CUX1: variants seen among roughly 807,000 people sequenced by gnomAD.
CUX1 encodes the protein protein CASP.
Under a neutral mutation model 158.8 loss-of-function variants are expected in CUX1, and 31 were observed. The observed-to-expected ratio is 0.20, with a 90% CI of 0.15 to 0.26. CUX1 has a LOEUF of 0.26. Among genes scored for constraint, CUX1 ranks in the 10% least tolerant of loss-of-function variants. The pLI, the probability that CUX1 is intolerant of heterozygous loss-of-function variation, is 1.00. For missense variants in CUX1, 1,589 were observed against 2,014.6 expected (o/e 0.79, Z 4.04); for synonymous variants, 879 against 862.1 (o/e 1.02, Z -0.34).
At chr7:101,902,417 A>G (rs1337858165) in intron 1 of CUX1, among the ~76,000 whole-genome samples, 1 of 152,186 alleles carries the variant, frequency 6.6e-6, no homozygotes, top group African/African-American at 2.4e-5. Flanking sequence ...AGCAAATATA[A>G]TTGCCACTAG....
At chr7:102,154,813 A>G (rs782549349) in intron 8 of CUX1, among the ~76,000 whole-genome samples, 3 of 152,204 alleles carry the variant, frequency 2.0e-5, no homozygotes, top group Non-Finnish European at 4.4e-5. Context: ...AAATAGCCAG[A>G]ATTAAAGAAA....
intron 2 of CUX1, among the ~76,000 whole-genome samples, chr7:101,941,004 T>A (rs895802912): frequency 3.9e-5 from 6 of 152,210 alleles, no homozygotes; most frequent in African/African-American, 1.2e-4. Flanking sequence ...CCTCACAGTT[T>A]ATTTGCATAC....
intron 3 of CUX1, among the ~76,000 whole-genome samples, chr7:102,038,051 A>AC (rs1821656617): frequency 3.0e-5 from 3 of 100,974 alleles, no homozygotes; most frequent in Non-Finnish European, 4.1e-5. Flanking sequence ...CTCTGTCTCA[A>AC]AAAAAAAAAA....
At chr7:102,019,878 T>C (rs1463345364) in intron 2 of CUX1, among the ~76,000 whole-genome samples, 1 of 152,264 alleles carries the variant, frequency 6.6e-6, no homozygotes, top group Admixed American at 6.5e-5. Context: ...ATGTGCATTT[T>C]ATCCGACTAC....
chr7:102,221,603 T>C (rs1373896627), intron 20 of CUX1, among the ~76,000 whole-genome samples: 1 of 152,066 alleles, frequency 6.6e-6, no homozygotes, highest in Non-Finnish European at 1.5e-5. Context: ...GCCTGCTGTT[T>C]TTGGAATATA....
In CUX1 at chr7:102,146,929, C is replaced by T. The variant is rs955620100; in HGVS notation, c.675-11631C>T. 1.8e-4 allele frequency among the ~76,000 whole-genome samples: 27 copies of T among 152,096 alleles called. 1 individual carries two copies. Among genetic ancestry groups the T allele is most frequent in the African/African-American group, 6.0e-4 (25 of 41,410 alleles). On this transcript the variant is annotated intron_variant, in intron 8 of 23. Coordinates refer to ENST00000292535, the MANE Select transcript of CUX1 (RefSeq NM_181552.4). ...TTGTTTTTAATCATTACTTTTGTAT[C>T]ATTTAAATTAGTATAATGGTAATCT...
rs892095231 is a variant in CUX1, at chr7:102,257,510, G to T, written c.*8468G>T. Reference sequence around the variant, plus strand: ...GAATAGCTTGTTATAAAATAAAAGTGGGGGTAAAAAGAAGGTGGTTTTCCC... The same window carrying T: ...GAATAGCTTGTTATAAAATAAAAGTTGGGGTAAAAAGAAGGTGGTTTTCCC... On this transcript the variant is annotated 3_prime_UTR_variant, in exon 24 of 24. Coordinates refer to ENST00000292535, the MANE Select transcript of CUX1 (RefSeq NM_181552.4). 17 of 985,180 alleles carry T rather than the reference G, an allele frequency of 1.7e-5. No homozygotes were observed. The African/African-American group carries it at 2.8e-4, about 16-fold the overall frequency. 61.0% of individuals were successfully genotyped at this position (985,180 alleles called of 1,614,324 possible). A position where few individuals can be genotyped will look rare whatever the true frequency, so the allele number is the denominator to read the frequency against.
At chr7:101,863,373 T>G (rs920167720) in intron 1 of CUX1, among the ~76,000 whole-genome samples, 6 of 150,852 alleles carry the variant, frequency 4.0e-5, no homozygotes, top group African/African-American at 1.5e-4. Context: ...TTTTTTGAGA[T>G]GGAGTCTCCT....
chr7:101,822,706 G>C (rs773321998), intron 1 of CUX1, among the ~76,000 whole-genome samples: 15 of 152,144 alleles, frequency 9.9e-5, no homozygotes, highest in South Asian at 6.2e-4. Flanking sequence ...TTCGAGACCA[G>C]CCTGGCCAAC....
Position 101,869,978 on chromosome 7 carries a change from T to A in CUX1, c.31-46137T>A, listed in dbSNP as rs1235491570. ...AAGGCGGCTCCTCGTGCCCCCCCTCTTGTGCCTTCCCTCCCCAGTGCCTTT... is the reference window on the plus strand; with the variant it reads ...AAGGCGGCTCCTCGTGCCCCCCCTCATGTGCCTTCCCTCCCCAGTGCCTTT... On this transcript the variant is annotated intron_variant, in intron 1 of 23. Transcript: ENST00000292535. This position sits in a 1 kb window ranked among gnomAD's most constrained non-coding sequence, Gnocchi z 4.5. Among the ~76,000 whole-genome samples the A allele has an allele frequency of 6.6e-6, 1 of 151,236 alleles. No homozygotes were observed. Among genetic ancestry groups the A allele is most frequent in the Non-Finnish European group, 1.5e-5 (1 of 67,832 alleles).
chr7:101,893,302 C>CCGGCCTA (rs1801101896), intron 1 of CUX1, among the ~76,000 whole-genome samples: 1 of 151,536 alleles, frequency 6.6e-6, no homozygotes, highest in Non-Finnish European at 1.5e-5. Context: ...GCAACTGCGC[C>CCGGCCTA]TGGCAAGTTT....
chr7:101,946,639 G>A (rs1400677608), intron 2 of CUX1, among the ~76,000 whole-genome samples: 1 of 152,094 alleles, frequency 6.6e-6, no homozygotes, highest in East Asian at 1.9e-4. Context: ...TGGATTTGGG[G>A]TGGGGAGTGA....
chr7:102,258,037 G>T lies in CUX1; in HGVS notation c.*8995G>T, dbSNP rs1015451408. On this transcript the variant is annotated 3_prime_UTR_variant, in exon 24 of 24. Coordinates refer to ENST00000292535, the MANE Select transcript of CUX1 (RefSeq NM_181552.4). ...AAGTTGACCTGGCTGGCGTGGGGGTGGGGGAGGCACCCGTCGGCCCCTTGG... is the reference window on the plus strand; with the variant it reads ...AAGTTGACCTGGCTGGCGTGGGGGTTGGGGAGGCACCCGTCGGCCCCTTGG... 1 of 985,086 alleles carries T rather than the reference G, an allele frequency of 1.0e-6. No individual in the cohort carries two copies. 61.0% of individuals were successfully genotyped at this position (985,086 alleles called of 1,614,324 possible).
chr7:102,272,630 G>A (rs2132800232), intron 14 of CUX1, among the ~76,000 whole-genome samples: 1 of 152,370 alleles, frequency 6.6e-6, no homozygotes, highest in East Asian at 1.9e-4. Flanking sequence ...GGTCACTGAA[G>A]TCCTGCCTGG....
At chr7:102,244,560 T>C (rs1586416333) in intron 23 of CUX1, among the ~76,000 whole-genome samples, 1 of 152,092 alleles carries the variant, frequency 6.6e-6, no homozygotes, top group African/African-American at 2.4e-5. Flanking sequence ...GCGGGCGTGG[T>C]GGTGCATGCC....
At chr7:102,213,858 C>T (rs1444771942) in intron 20 of CUX1, among the ~76,000 whole-genome samples, 2 of 152,308 alleles carry the variant, frequency 1.3e-5, no homozygotes, top group South Asian at 2.1e-4. Flanking sequence ...TGAGGCCGGG[C>T]TCAGTGGCTC....
chr7:102,020,499 C>T (rs1368101236), intron 2 of CUX1, among the ~76,000 whole-genome samples: 2 of 152,202 alleles, frequency 1.3e-5, no homozygotes, highest in Admixed American at 1.3e-4. Context: ...AGCTATCTAA[C>T]GTGACATCCA....
At chr7:102,086,104 T>G (rs1423370586) in intron 4 of CUX1, among the ~76,000 whole-genome samples, 2 of 152,174 alleles carry the variant, frequency 1.3e-5, no homozygotes, top group African/African-American at 4.8e-5. Flanking sequence ...GGATGTGTAG[T>G]GATGTCCTTT....
chr7:101,987,038 C>T (rs926590830), intron 2 of CUX1, among the ~76,000 whole-genome samples: 2 of 152,154 alleles, frequency 1.3e-5, no homozygotes, highest in African/African-American at 4.8e-5. Context: ...CTCCTGCCAC[C>T]CCTGTCCCAC....
Sources: gnomAD v4.1 joint callset for allele counts (sites outside exome capture counted in the v4.1 genomes callset) on GRCh38, gnomAD v4.1.1 for gene constraint, Gnocchi (gnomAD v3.1) non-coding constraint, MANE v1.5 for transcripts, NCBI Gene and HGNC (gene_info 2026-07-23, HGNC 2026-07-21) for gene names.